The following WDR11 variants were observed in gnomAD, a reference collection of about 807,000 sequenced individuals.
WDR11 encodes WD repeat-containing protein 11.
Under a neutral mutation model 151.2 loss-of-function variants are expected in WDR11, and 83 were observed. The observed-to-expected ratio is 0.55, with a 90% CI of 0.46 to 0.66. The LOEUF is 0.66. WDR11 is among the 30% of genes least tolerant of loss of function. The pLI, the probability that WDR11 is intolerant of heterozygous loss-of-function variation, is 0.00. For synonymous variants in WDR11, 484 were observed against 533.1 expected (o/e 0.91, Z 1.27); for missense variants, 1,301 against 1,480.9 (o/e 0.88, Z 1.99).
intron 3 of WDR11, among the ~76,000 whole-genome samples, 167 bp from the exon 4 acceptor site, chr10:120,859,942 C>G (rs1366670262): frequency 8.2e-6 from 1 of 122,310 alleles, no homozygotes; most frequent in Non-Finnish European, 1.7e-5. Flanking sequence ...AGTTTTTTCT[C>G]TGGAATATTG....
intron 12 of WDR11, chr10:120,879,758 G>GAGATTC (rs2133773219): frequency 6.6e-6 from 1 of 152,238 alleles, no homozygotes; most frequent in East Asian, 1.9e-4. Flanking sequence ...TGAGTATAGT[G>GAGATTC]AGATTCCACA....
Position 120,874,196 on chromosome 10 carries a change from G to T in WDR11, c.1556+273G>T, listed in dbSNP as rs552158690. Among the ~76,000 whole-genome samples, 6,941 of 61,628 alleles carry T rather than the reference G, an allele frequency of 0.11. 492 individuals are homozygous for T. Among genetic ancestry groups the T allele is most frequent in the African/African-American group, 0.22 (4,119 of 18,662 alleles). The allele number at this position is 61,628 out of a possible 152,430, so 40.4% of individuals were successfully genotyped here. ...TTGCAGTTTTTTTTTTTTTTTTGTT[G>T]TTGTTGTTGTTGTTTGTTTTGTTTT... On this transcript the variant is annotated intron_variant, in intron 11 of 28. Coordinates refer to ENST00000263461, the MANE Select transcript of WDR11 (RefSeq NM_018117.12).
chr10:120,887,272 G>GT (rs1204876944), intron 16 of WDR11, among the ~76,000 whole-genome samples: 1 of 152,274 alleles, frequency 6.6e-6, no homozygotes, highest in East Asian at 1.9e-4. Flanking sequence ...TAATCAGGTT[G>GT]TAAGTGTAAT....
chr10:120,866,682 G>A lies in WDR11; in HGVS notation c.1108G>A (p.Ala370Thr). Residue 370 changes from alanine to threonine, a missense_variant, in exon 8 of 29, where the codon GCA becomes ACA. Around this residue, in one of 3 missense-constraint regions of WDR11, gnomAD observed 692 missense variants for 762.5 expected, o/e 0.91. Coordinates refer to ENST00000263461, the MANE Select transcript of WDR11 (RefSeq NM_018117.12). ...GGTGTGCTGTCCTGTCAATGAGAATGCAGCCGCCCTCGTAGTGAGTGATGG... is the reference window on the plus strand; with the variant it reads ...GGTGTGCTGTCCTGTCAATGAGAATACAGCCGCCCTCGTAGTGAGTGATGG... ...SMVCCPVNENAAALVVSDGRV... is the reference protein window; with the variant it reads ...SMVCCPVNENTAALVVSDGRV... The A allele has an allele frequency of 6.2e-7, 1 of 1,614,190 alleles. No individual in the cohort carries two copies. Among genetic ancestry groups the A allele is most frequent in the Non-Finnish European group, 8.5e-7 (1 of 1,180,030 alleles).
chr10:120,852,641 T>TA lies in WDR11; in HGVS notation c.198+10dup, dbSNP rs1845820270. 1.2e-6 allele frequency: 2 copies of TA among 1,610,854 alleles called. No homozygotes were observed. The highest frequency in any genetic ancestry group is 1.3e-5 in the African/African-American group (1 of 74,866). On this transcript the variant is annotated splice_region_variant and intron_variant, in intron 2 of 28. Coordinates refer to ENST00000263461, the MANE Select transcript of WDR11 (RefSeq NM_018117.12). ...ATAAAGCTGATGTTGTAAAGGTAAG[T>TA]AAAATCCCACTTTGACGCTAACATG... is the stretch of plus-strand genomic sequence containing the variant.
intron 25 of WDR11, 89 bp from the exon 26 acceptor site, chr10:120,905,230 G>A: frequency 7.7e-7 from 1 of 1,300,100 alleles, no homozygotes; most frequent in Non-Finnish European, 1.1e-6. Flanking sequence ...GGCACGACTA[G>A]ATAAGGTCAA....
chr10:120,863,237 T>G (rs531432821), intron 5 of WDR11, among the ~76,000 whole-genome samples: 2 of 152,274 alleles, frequency 1.3e-5, no homozygotes, highest in Admixed American at 6.5e-5. Context: ...ATTAAAAATT[T>G]GGGCACAAAA....
At chr10:120,899,966 G>A in intron 19 of WDR11, 63 bp from the exon 20 acceptor site, 1 of 1,381,980 alleles carries the variant, frequency 7.2e-7, no homozygotes, top group Non-Finnish European at 1.0e-6. Context: ...ATGGTTTATA[G>A]CTGAAGCTTC....
chr10:120,867,255 A>C (rs1846349200), intron 9 of WDR11, 86 bp downstream of exon 9: 3 of 964,606 alleles, frequency 3.1e-6, no homozygotes, highest in Admixed American at 3.7e-5. Flanking sequence ...AATTATTTTA[A>C]AGTCAAAAAA....
At chr10:120,880,277 A>G (rs1220323981) in intron 12 of WDR11, 1 of 152,262 alleles carries the variant, frequency 6.6e-6, no homozygotes. Flanking sequence ...ATGCCTTTTT[A>G]CAAAATAAAT....
In WDR11 at chr10:120,851,517, C is replaced by G; in HGVS notation, c.86+11C>G. On this transcript the variant is annotated intron_variant, in intron 1 of 28. Transcript: ENST00000263461. ...GGCGGCGGTGGACTGGTGAGGACGC[C>G]GAGCTTCCAGGTCGCCAGGATCGGC... The G allele has an allele frequency of 2.5e-6, 4 of 1,608,248 alleles. No individual in the cohort carries two copies. The highest frequency in any genetic ancestry group is 2.2e-5 in the South Asian group (2 of 89,758).
At chr10:120,900,267 C>T (rs1376171764) in intron 20 of WDR11, 130 bp downstream of exon 20, 5 of 840,490 alleles carry the variant, frequency 5.9e-6, no homozygotes, top group East Asian at 2.6e-5. Flanking sequence ...AAGGCAGAGA[C>T]ACTACAGAAT....
intron 21 of WDR11, among the ~76,000 whole-genome samples, chr10:120,902,016 A>T (rs1275240336): frequency 6.6e-6 from 1 of 152,244 alleles, no homozygotes; most frequent in Non-Finnish European, 1.5e-5. Flanking sequence ...TAAACCAGAA[A>T]TGAGAGCGCT....
At chr10:120,906,181 G>A (rs933648690) in intron 27 of WDR11, 160 bp downstream of exon 27, 20 of 1,518,926 alleles carry the variant, frequency 1.3e-5, no homozygotes, top group African/African-American at 2.8e-5. Context: ...GGAACTGTCC[G>A]TATTCATTAC....
chr10:120,868,784 G>A (rs1846410044), intron 9 of WDR11: 1 of 152,036 alleles, frequency 6.6e-6, no homozygotes, highest in African/African-American at 2.4e-5. Context: ...TTCATCTCTA[G>A]GCCTCAGTTT....
In WDR11 at chr10:120,905,343, T is replaced by TA; in HGVS notation, c.3219dup (p.Asp1074ArgfsTer2). On this transcript the variant is annotated frameshift_variant, in exon 26 of 29. Transcript: ENST00000263461. LOFTEE classifies it high-confidence loss of function. ...GAGGGCGTTCAGTTGCTCTGCCTGATAGATAAGGCTGCAGACGCCTGCCGC... is the reference window on the plus strand; with the variant it reads ...GAGGGCGTTCAGTTGCTCTGCCTGATAAGATAAGGCTGCAGACGCCTGCCGC... 3.7e-6 allele frequency: 6 copies of TA among 1,614,078 alleles called. No homozygotes were observed. Among genetic ancestry groups the TA allele is most frequent in the Non-Finnish European group, 4.2e-6 (5 of 1,180,016 alleles).
rs66873217 is a variant in WDR11 at position 120,874,176 on chromosome 10, G to GTTTTTTTTTTTTTTTT, written c.1556+254_1556+269dup. 3.6e-4 allele frequency among the ~76,000 whole-genome samples: 30 copies of GTTTTTTTTTTTTTTTT among 83,482 alleles called. 1 individual carries two copies. The highest frequency in any genetic ancestry group is 7.0e-4 in the South Asian group (2 of 2,854). The allele number at this position is 83,482 out of a possible 152,430, so 54.8% of individuals were successfully genotyped here. ...TGCAAAAGTAATTGCGGTTTTTGCA[G>GTTTTTTTTTTTTTTTT]TTTTTTTTTTTTTTTTGTTGTTGTT... On this transcript the variant is annotated intron_variant, in intron 11 of 28. Coordinates refer to ENST00000263461, the MANE Select transcript of WDR11 (RefSeq NM_018117.12).
intron 2 of WDR11, among the ~76,000 whole-genome samples, chr10:120,857,475 A>G (rs955344673): frequency 9.2e-5 from 14 of 152,220 alleles, no homozygotes; most frequent in African/African-American, 1.4e-4. Context: ...CTATTCATAC[A>G]CATTCTATAC....
At chr10:120,874,224 TTTG>T (rs1213879268) in intron 11 of WDR11, among the ~76,000 whole-genome samples, 397 of 143,140 alleles carry the variant, frequency 2.8e-3, no homozygotes, top group African/African-American at 6.7e-3. Flanking sequence ...TTTGTTTTGT[TTTG>T]TTTTTTTTAA....
Sources: gnomAD v4.1 joint callset for allele counts (sites outside exome capture counted in the v4.1 genomes callset) on GRCh38, gnomAD v4.1.1 for gene constraint, gnomAD v4.1.1 regional missense constraint, MANE v1.5 for transcripts, NCBI Gene and HGNC (gene_info 2026-07-23, HGNC 2026-07-21) for gene names.